The following HP variants were observed in gnomAD, a reference collection of about 807,000 sequenced individuals.
The protein encoded by HP is haptoglobin.
HP carries 9 observed loss-of-function variants against 23.2 expected under a neutral mutation model. That is an observed-to-expected ratio of 0.39 (90% CI 0.23 to 0.68). HP has a LOEUF of 0.68. Among genes scored for constraint, HP ranks in the 30% least tolerant of loss-of-function variants. The pLI is 0.47. For missense variants in HP, 433 were observed against 483.6 expected (o/e 0.90, Z 0.98); for synonymous variants, 155 against 183.3 (o/e 0.85, Z 1.25).
rs188133907 is a variant in HP at position 72,059,309 on chromosome 16, C to G, written c.442+121C>G. 346 of 1,361,630 alleles carry G rather than the reference C, an allele frequency of 2.5e-4. 11 individuals carry two copies. Among genetic ancestry groups the G allele is most frequent in the Non-Finnish European group, 2.0e-4 (193 of 974,198 alleles). The allele number at this position is 1,361,630 out of a possible 1,614,324, so 84.3% of individuals were successfully genotyped here. The stretch of plus-strand genomic sequence containing the variant: ...GCCAGGAGGAGGGATGTGGGAGAAC[C>G]GCAGCTGGCCAGGGAGAGACTTAAG... On this transcript the variant is annotated intron_variant, in intron 6 of 6. Transcript: ENST00000355906.
rs1255478675 is a variant in HP at position 72,057,516 on chromosome 16, G to C, written c.265+50G>C. 1.1e-5 allele frequency: 8 copies of C among 740,540 alleles called. 1 individual carries two copies. In the South Asian group the frequency reaches 1.4e-4, roughly 13 times the overall value. The allele number at this position is 740,540 out of a possible 1,614,324, so 45.9% of individuals were successfully genotyped here. A position where few individuals can be genotyped will look rare whatever the true frequency, so the allele number is the denominator to read the frequency against. ...AAGAGAGCAGGCAGGCGTCCAGCGG[G>C]GAACGTCCTAGAGGCACAGCCTTCC... On this transcript the variant is annotated intron_variant, in intron 4 of 6. Coordinates refer to ENST00000355906, the MANE Select transcript of HP (RefSeq NM_005143.5).
rs375437797 is a variant in HP, at chr16:72,056,180, G to A, written c.25G>A (p.Ala9Thr). Residue 9 changes from alanine to threonine, a missense_variant, in exon 2 of 7, where the codon GCC becomes ACC. By Grantham distance (58) the Ala-to-Thr change is moderately conservative. Around this residue, in one of 3 missense-constraint regions of HP, gnomAD observed 71 missense variants for 54.2 expected, o/e 1.31. Transcript: ENST00000355906. MSALGAVIALLLWGQLFAV... is the reference protein window; with the variant it reads MSALGAVITLLLWGQLFAV... ...CTGCAGTGCCCTGGGAGCTGTCATT[G>A]CCCTCCTGCTCTGGGGACAGCTTTT... is the stretch of plus-strand genomic sequence containing the variant. The A allele has an allele frequency of 6.2e-7, 1 of 1,613,916 alleles. No individual in the cohort carries two copies. The highest frequency in any genetic ancestry group is 8.5e-7 in the Non-Finnish European group (1 of 1,179,924).
At position 72,061,017 on chromosome 16, in the gene HP, A is replaced by G. The variant is rs1462574052; in HGVS notation, c.*127A>G. 1.9e-6 allele frequency: 2 copies of G among 1,047,346 alleles called. No individual in the cohort carries two copies. The highest frequency in any genetic ancestry group is 3.2e-5 in the African/African-American group (2 of 61,998). The allele number at this position is 1,047,346 out of a possible 1,614,324, so 64.9% of individuals were successfully genotyped here. A position where few individuals can be genotyped will look rare whatever the true frequency, so the allele number is the denominator to read the frequency against. On this transcript the variant is annotated 3_prime_UTR_variant, in exon 7 of 7. Coordinates refer to ENST00000355906, the MANE Select transcript of HP (RefSeq NM_005143.5). ...TGAAGCTGATGGGTGCCAGCCCTGC[A>G]TTGCTGAGTCAATCAATAAAGAGCT...
rs774931727 is a variant in HP, at chr16:72,060,095, C to G, written c.443-17C>G. On this transcript the variant is annotated splice_polypyrimidine_tract_variant and intron_variant, in intron 6 of 6. Coordinates refer to ENST00000355906, the MANE Select transcript of HP (RefSeq NM_005143.5). ...CTTGCACATTTCCACTCACGAGTGT[C>G]TTGCTCTCCTTGACAGTATGTGGGA... The G allele has an allele frequency of 7.3e-5, 117 of 1,609,228 alleles. 1 individual carries two copies. Among genetic ancestry groups the G allele is most frequent in the Non-Finnish European group, 9.6e-5 (113 of 1,177,120 alleles).
At chr16:72,057,962 G>A (rs1265344088) in intron 4 of HP, 1 of 401,698 alleles carries the variant, frequency 2.5e-6, no homozygotes. Flanking sequence ...ATGCCAACCT[G>A]CCTCGTATTA....
chr16:72,056,071 GTGTGTGTACATGCA>G lies in HP; in HGVS notation c.6-82_6-69del, dbSNP rs1363038857. ...TGTGTGTGTATGCATGTGTGTGTGT[GTGTGTGTACATGCA>G]TGTGTGTGTGGATGCATGCATGTGC... On this transcript the variant is annotated intron_variant, in intron 1 of 6. Coordinates refer to ENST00000355906, the MANE Select transcript of HP (RefSeq NM_005143.5). 8 of 1,517,948 alleles carry G rather than the reference GTGTGTGTACATGCA, an allele frequency of 5.3e-6. No homozygotes were observed. The African/African-American group carries it at 8.2e-5, about 16-fold the overall frequency. 94.0% of individuals were successfully genotyped at this position (1,517,948 alleles called of 1,614,324 possible). A position where few individuals can be genotyped will look rare whatever the true frequency, so the allele number is the denominator to read the frequency against.
intron 6 of HP, chr16:72,059,438 C>T (rs2041505590): frequency 1.7e-6 from 1 of 602,830 alleles, no homozygotes. Flanking sequence ...ATTAGGAGAG[C>T]CTGTGCATAC....
chr16:72,057,935 C>G (rs1260122926), intron 4 of HP: 2 of 374,756 alleles, frequency 5.3e-6, no homozygotes, highest in Non-Finnish European at 9.8e-6. Flanking sequence ...GCCTCTTCTG[C>G]TCTTACTGGT....
intron 5 of HP, chr16:72,058,735 A>G: frequency 3.1e-6 from 1 of 318,250 alleles, no homozygotes; most frequent in Non-Finnish European, 5.7e-6. Flanking sequence ...CTTAGTCCTC[A>G]CAGTATCCCT....
At chr16:72,056,059 ATGTGTG>A (rs148260617) in intron 1 of HP, 96 bp from the exon 2 acceptor site, 12 of 1,403,840 alleles carry the variant, frequency 8.5e-6, no homozygotes, top group African/African-American at 1.4e-5. Context: ...GTGTGTATGC[ATGTGTG>A]TGTGTGTGTG....
rs758098378 is a variant in HP at position 72,060,875 on chromosome 16, C to T, written c.1206C>T (p.Thr402=). ...CCATCCAGGACTGGGTTCAGAAGAC[C>T]ATAGCTGAGAACTAATGCAAGGCTG... is the stretch of plus-strand genomic sequence containing the variant. ...VTSIQDWVQK[T]IAEN is the part of the protein sequence containing the mutation. The change falls in exon 7 of 7, where the codon ACC becomes ACT. Residue 402 remains threonine, a synonymous_variant. Coordinates refer to ENST00000355906, the MANE Select transcript of HP (RefSeq NM_005143.5). The T allele has an allele frequency of 5.7e-6, 9 of 1,590,454 alleles. No individual in the cohort carries two copies. The highest frequency in any genetic ancestry group is 6.8e-6 in the Non-Finnish European group (8 of 1,168,706).
intron 2 of HP, 138 bp downstream of exon 2, chr16:72,056,381 C>A: frequency 6.4e-7 from 1 of 1,568,696 alleles, no homozygotes; most frequent in East Asian, 2.4e-5. Context: ...GGGTTCCTGC[C>A]AGAAATGAGG....
rs770245280 is a variant in HP at position 72,060,180 on chromosome 16, G to C, written c.511G>C (p.Gly171Arg). Residue 171 changes from glycine to arginine, a missense_variant, in exon 7 of 7, where the codon GGC (glycine) becomes CGC (arginine). Gly to Arg is a moderately radical substitution (Grantham distance 125, BLOSUM62 -2). Around this residue, in one of 3 missense-constraint regions of HP, gnomAD observed 326 missense variants for 358.1 expected, o/e 0.91. Coordinates refer to ENST00000355906, the MANE Select transcript of HP (RefSeq NM_005143.5). ...RILGGHLDAK[G>R]SFPWQAKMVS... Reference sequence around the variant, plus strand: ...CCTGGGTGGACACCTGGATGCCAAAGGCAGCTTTCCCTGGCAGGCTAAGAT... The same window carrying C: ...CCTGGGTGGACACCTGGATGCCAAACGCAGCTTTCCCTGGCAGGCTAAGAT... The C allele has an allele frequency of 6.2e-7, 1 of 1,614,006 alleles. No individual in the cohort carries two copies. The highest frequency in any genetic ancestry group is 8.5e-7 in the Non-Finnish European group (1 of 1,180,002).
intron 1 of HP, chr16:72,055,942 T>A: frequency 1.3e-6 from 1 of 771,032 alleles, no homozygotes; most frequent in Non-Finnish European, 2.1e-6. Flanking sequence ...AAGCTTGGTA[T>A]GCTCAGAAGC....
At chr16:72,059,894 A>AAGG in intron 6 of HP, 4 of 1,124,474 alleles carry the variant, frequency 3.6e-6, no homozygotes, top group Non-Finnish European at 4.9e-6. Context: ...CTTTGTTAGA[A>AAGG]AAGTGGGAAA....
chr16:72,055,190 A>T (rs2041440820), intron 1 of HP: 1 of 176,104 alleles, frequency 5.7e-6, no homozygotes, highest in Admixed American at 5.6e-5. Context: ...ACCAGGCTGC[A>T]GTGCAGTGGC....
Position 72,060,616 on chromosome 16 carries a change from G to C in HP, c.947G>C (p.Ser316Thr). 2 of 1,614,198 alleles carry C rather than the reference G, an allele frequency of 1.2e-6. No homozygotes were observed. Among genetic ancestry groups the C allele is most frequent in the South Asian group, 2.2e-5 (2 of 91,090 alleles). The change falls in exon 7 of 7, where the codon AGC becomes ACC. Residue 316 changes from serine to threonine, a missense_variant. Around this residue, in one of 3 missense-constraint regions of HP, gnomAD observed 326 missense variants for 358.1 expected, o/e 0.91. Transcript: ENST00000355906. ...CAATGCATAAGGCATTATGAAGGCAGCACAGTCCCCGAAAAGAAGACACCG... is the reference window on the plus strand; with the variant it reads ...CAATGCATAAGGCATTATGAAGGCACCACAGTCCCCGAAAAGAAGACACCG... ...QDQCIRHYEG[S>T]TVPEKKTPKS...
intron 6 of HP, 165 bp downstream of exon 6, chr16:72,059,353 C>T: frequency 1.0e-6 from 1 of 974,734 alleles, no homozygotes; most frequent in Non-Finnish European, 1.5e-6. Flanking sequence ...TGATGACTCC[C>T]TAAGGGTCAC....
rs763265034 is a variant in HP, at chr16:72,056,589, T to C, written c.148T>C (p.Tyr50His). 3 of 1,392,056 alleles carry C rather than the reference T, an allele frequency of 2.2e-6. No homozygotes were observed. The African/African-American group carries it at 4.9e-5, about 23-fold the overall frequency. 86.2% of individuals were successfully genotyped at this position (1,392,056 alleles called of 1,614,324 possible). ...TGGCTATGTGGAGCACTCGGTTCGC[T>C]ACCAGTGTAAGAACTACTACAAACT... Reference protein sequence around the residue: ...AHGYVEHSVRYQCKNYYKLRT... With the variant: ...AHGYVEHSVRHQCKNYYKLRT... Residue 50 changes from tyrosine to histidine, a missense_variant, in exon 3 of 7, where the codon TAC becomes CAC. By Grantham distance (83) the Tyr-to-His change is moderately conservative. Transcript: ENST00000355906.
Sources: gnomAD v4.1 joint callset for allele counts on GRCh38, gnomAD v4.1.1 for gene constraint, gnomAD v4.1.1 regional missense constraint, MANE v1.5 for transcripts, NCBI Gene and HGNC (gene_info 2026-07-23, HGNC 2026-07-21) for gene names.